ZFC3H1: variants seen among roughly 807,000 people sequenced by gnomAD.
ZFC3H1 encodes zinc finger C3H1-type containing.
In ZFC3H1, 71 loss-of-function variants were observed where a neutral mutation model predicts 243.7. That is an observed-to-expected ratio of 0.29 (90% CI 0.24 to 0.36). The LOEUF (loss-of-function observed/expected upper bound fraction) is 0.36, where lower values mean the gene tolerates loss of function less well. Ranked by LOEUF, ZFC3H1 falls within the 10% of genes least tolerant of loss-of-function variation. The probability of loss-of-function intolerance (pLI) is 1.00; values close to 1 mark genes in which losing one functional copy is unlikely to be tolerated. For missense variants in ZFC3H1, 1,966 were observed against 2,317.1 expected, an observed-to-expected ratio of 0.85 and a Z score of 3.11; for synonymous variants, 838 against 813.0, an observed-to-expected ratio of 1.03 and a Z score of -0.52.
chr12:71,636,882 A>G lies in ZFC3H1; in HGVS notation c.1903T>C (p.Ser635Pro). 1.9e-6 allele frequency: 3 copies of G among 1,613,902 alleles called. No homozygotes were observed. Among genetic ancestry groups the G allele is most frequent in the Non-Finnish European group, 2.5e-6 (3 of 1,179,940 alleles). Residue 635 changes from serine to proline, a missense_variant, in exon 8 of 35, where the codon TCT (serine) becomes CCT (proline). Ser to Pro is a moderately conservative substitution (Grantham distance 74). This residue lies in a region of ZFC3H1 where 1,383 missense variants were observed against 1,723.7 expected (regional missense o/e 0.80). Transcript: ENST00000378743. ...EMLLREELLKSLANKRAFKPE... is the reference protein window; with the variant it reads ...EMLLREELLKPLANKRAFKPE... ...TTAAAAGCTCTTTTATTTGCTAGAG[A>G]TTTAAGTAGTTCTTCTCGAAGCAGC...
At chr12:71,648,560 T>G (rs1318954942) in intron 2 of ZFC3H1, among the ~76,000 whole-genome samples, 1 of 152,178 alleles carries the variant, frequency 6.6e-6, no homozygotes, top group Non-Finnish European at 1.5e-5. Flanking sequence ...AACTAGATCT[T>G]AATTTTAAGT....
intron 20 of ZFC3H1, among the ~76,000 whole-genome samples, chr12:71,628,268 T>G (rs1482590745): frequency 6.6e-6 from 1 of 152,212 alleles, no homozygotes; most frequent in African/African-American, 2.4e-5. Context: ...GAATTCACAT[T>G]TGTTAAACTG....
In ZFC3H1 at chr12:71,663,203, C is replaced by G. The variant is rs1297965222; in HGVS notation, c.408G>C (p.Arg136=). The G allele has an allele frequency of 5.0e-6, 8 of 1,613,964 alleles. No homozygotes were observed. The South Asian group carries it at 7.7e-5, about 16-fold the overall frequency. The change falls in exon 1 of 35, where the codon CGG becomes CGC. Residue 136 remains arginine (R), a synonymous_variant. Transcript: ENST00000378743. ...GGAAACGGTCCAAGGCGAGGTGGCTCCGCTCCCAGAAAGACGGCCGGGGAC... is the reference window on the plus strand; with the variant it reads ...GGAAACGGTCCAAGGCGAGGTGGCTGCGCTCCCAGAAAGACGGCCGGGGAC... ...ESSPRPSFWE[R]SHLALDRFRF...
chr12:71,630,596 A>C lies in ZFC3H1; in HGVS notation c.3724+4T>G, dbSNP rs1489039469. 1 of 1,597,924 alleles carries C rather than the reference A, an allele frequency of 6.3e-7. No homozygotes were observed. The highest frequency in any genetic ancestry group is 8.5e-7 in the Non-Finnish European group (1 of 1,175,790). On this transcript the variant is annotated splice_donor_region_variant and intron_variant, in intron 18 of 34. Coordinates refer to ENST00000378743, the MANE Select transcript of ZFC3H1 (RefSeq NM_144982.5). ...TTGGGAGAGAATAGGAAGTCTTTAA[A>C]AACCTGCTGAAGCAGTAATTTCTTC...
intron 20 of ZFC3H1, 97 bp downstream of exon 20, chr12:71,628,821 C>A: frequency 1.5e-6 from 2 of 1,375,440 alleles, no homozygotes; most frequent in Non-Finnish European, 9.5e-7. Flanking sequence ...TTTTTTTAAC[C>A]AGGCAGGCTG....
rs1417339622 is a variant in ZFC3H1 at position 71,663,367 on chromosome 12, G to A, written c.244C>T (p.Gln82Ter). 2 of 1,612,886 alleles carry A rather than the reference G, an allele frequency of 1.2e-6. No individual in the cohort carries two copies. The change falls in exon 1 of 35, where the codon CAG (glutamine) becomes TAG (stop). Residue 82 changes from glutamine (Q) to a stop codon, truncating the protein, a stop_gained. Transcript: ENST00000378743. LOFTEE classifies it high-confidence loss of function. Reference protein sequence around the residue: ...SSSSSSSSQQQLRNFSRSRHA... With the variant: ...SSSSSSSSQQ ...CGCGAGCGTGAGAAATTCCTCAGCT[G>A]CTGCTGAGAAGAGGACGATGACGAG...
chr12:71,637,131 T>A, intron 7 of ZFC3H1, 72 bp from the exon 8 acceptor site: 1 of 1,260,626 alleles, frequency 7.9e-7, no homozygotes, highest in Non-Finnish European at 1.1e-6. Flanking sequence ...GCAGCAATAT[T>A]AAACTAGAAA....
intron 9 of ZFC3H1, among the ~76,000 whole-genome samples, chr12:71,635,790 T>C (rs1317098417): frequency 6.6e-6 from 1 of 152,200 alleles, no homozygotes; most frequent in Non-Finnish European, 1.5e-5. Context: ...ATTCTATAAT[T>C]ACTCTCATTA....
chr12:71,654,444 C>T (rs1222971953), intron 2 of ZFC3H1, among the ~76,000 whole-genome samples: 1 of 152,048 alleles, frequency 6.6e-6, no homozygotes, highest in Non-Finnish European at 1.5e-5. Context: ...TTATCTAAAA[C>T]ACACACACAC....
At chr12:71,624,387 A>C in intron 22 of ZFC3H1, 95 bp from the exon 23 acceptor site, 1 of 1,305,232 alleles carries the variant, frequency 7.7e-7, no homozygotes, top group Non-Finnish European at 1.0e-6. Context: ...ATCTCATAGT[A>C]AATCTTCAAC....
chr12:71,661,048 A>T (rs1386574342), intron 1 of ZFC3H1, among the ~76,000 whole-genome samples: 1 of 152,102 alleles, frequency 6.6e-6, no homozygotes, highest in Non-Finnish European at 1.5e-5. Context: ...TCATGCCTGT[A>T]ATCCCAGCAC....
Position 71,663,547 on chromosome 12 carries a change from G to A in ZFC3H1, c.64C>T (p.Leu22Phe). The change falls in exon 1 of 35, where the codon CTT becomes TTT. Residue 22 changes from leucine (L) to phenylalanine (F), a missense_variant. Physicochemically the swap from Leu to Phe is conservative, Grantham distance 22 (BLOSUM62 0). This residue lies in a region of ZFC3H1 where 484 missense variants were observed against 449.7 expected (regional missense o/e 1.08). Transcript: ENST00000378743. ...TCGTCACTGATTTCCCCATCTTCAA[G>A]CTCCCCTTCTTCCTTCGGCGAGAGG... Reference protein sequence around the residue: ...SGLSPKEEGELEDGEISDDDN... With the variant: ...SGLSPKEEGEFEDGEISDDDN... 1.2e-6 allele frequency: 2 copies of A among 1,613,412 alleles called. No homozygotes were observed. The highest frequency in any genetic ancestry group is 8.5e-7 in the Non-Finnish European group (1 of 1,180,038).
rs766819732 is a variant in ZFC3H1, at chr12:71,615,353, C to CGT, written c.5145-38_5145-37insAC. The CGT allele has an allele frequency of 2.3e-6, 3 of 1,306,276 alleles. No individual in the cohort carries two copies. In the South Asian group the frequency reaches 3.8e-5, roughly 16 times the overall value. The allele number at this position is 1,306,276 out of a possible 1,614,324, so 80.9% of individuals were successfully genotyped here. Reference sequence around the variant, plus strand: ...AATCCAAATATTGTTTTAAATTACACCTACCCACACAGGAATTACACACAT... The same window carrying CGT: ...AATCCAAATATTGTTTTAAATTACACGTCTACCCACACAGGAATTACACACAT... On this transcript the variant is annotated intron_variant, in intron 27 of 34. Coordinates refer to ENST00000378743, the MANE Select transcript of ZFC3H1 (RefSeq NM_144982.5).
Position 71,626,395 on chromosome 12 carries a change from C to T in ZFC3H1, c.4182G>A (p.Leu1394=). 6.2e-7 allele frequency: 1 copy of T among 1,613,902 alleles called. No individual in the cohort carries two copies. The highest frequency in any genetic ancestry group is 8.5e-7 in the Non-Finnish European group (1 of 1,179,958). ...DSALNVLARA[L]ENNKDNPEIW... is the part of the protein sequence containing the mutation. ...TTTCTGGATTGTCTTTGTTATTTTC[C>T]AATGCTCGCGCCAGAACATTTAAAG... Residue 1394 remains leucine (L), a synonymous_variant, in exon 22 of 35, where the codon TTG becomes TTA. Coordinates refer to ENST00000378743, the MANE Select transcript of ZFC3H1 (RefSeq NM_144982.5).
chr12:71,644,753 G>A, intron 4 of ZFC3H1, 124 bp downstream of exon 4: 2 of 1,104,598 alleles, frequency 1.8e-6, no homozygotes, highest in Non-Finnish European at 2.5e-6. Flanking sequence ...GGGAGGTGGA[G>A]GTTGCAGTAA....
In ZFC3H1 at chr12:71,632,088, G is replaced by C; in HGVS notation, c.3244C>G (p.Leu1082Val). The C allele has an allele frequency of 6.2e-7, 1 of 1,611,658 alleles. No homozygotes were observed. The change falls in exon 15 of 35, where the codon CTT becomes GTT. Residue 1082 changes from leucine (L) to valine (V), a missense_variant. Leu to Val is a conservative substitution (Grantham distance 32). Around this residue, in one of 4 missense-constraint regions of ZFC3H1, gnomAD observed 1,383 missense variants for 1,723.7 expected, o/e 0.80. Transcript: ENST00000378743. ...LNKNTVEKPE[L>V]FLGLKIGELQ... Reference sequence around the variant, plus strand: ...TCACCAATTTTTAACCCTAGAAAAAGTTCTGGTTTTTCTACAGTATTTTTA... The same window carrying C: ...TCACCAATTTTTAACCCTAGAAAAACTTCTGGTTTTTCTACAGTATTTTTA...
chr12:71,655,078 G>A (rs1276546263), intron 2 of ZFC3H1, among the ~76,000 whole-genome samples: 1 of 152,028 alleles, frequency 6.6e-6, no homozygotes, highest in Non-Finnish European at 1.5e-5. Flanking sequence ...AATAAAAAAA[G>A]TGAACAACAC....
chr12:71,657,273 T>C lies in ZFC3H1; in HGVS notation c.627A>G (p.Arg209=). ...SSKSFGRSPS[R]KQNYSSKNEN... ...CATTTTTTGATGAATAATTTTGTTT[T>C]CTTGATGGAGACCTTCCAAAACTTT... The change falls in exon 2 of 35, where the codon AGA becomes AGG. Residue 209 remains arginine (R), a synonymous_variant. Coordinates refer to ENST00000378743, the MANE Select transcript of ZFC3H1 (RefSeq NM_144982.5). 1.3e-6 allele frequency: 2 copies of C among 1,571,230 alleles called. No individual in the cohort carries two copies. Among genetic ancestry groups the C allele is most frequent in the South Asian group, 2.4e-5 (2 of 82,720 alleles).
chr12:71,661,183 G>C lies in ZFC3H1; in HGVS notation c.598+1830C>G, dbSNP rs551338997. Among the ~76,000 whole-genome samples the C allele has an allele frequency of 2.6e-5, 4 of 151,770 alleles. No individual in the cohort carries two copies. The South Asian group carries it at 8.3e-4, about 31-fold the overall frequency. On this transcript the variant is annotated intron_variant, in intron 1 of 34. Transcript: ENST00000378743. ...CCGGGCGTGGTGGCGGGCGCCTGTAGTCCCAGCTACTCGGGAGACTGAGGC... is the reference window on the plus strand; with the variant it reads ...CCGGGCGTGGTGGCGGGCGCCTGTACTCCCAGCTACTCGGGAGACTGAGGC...
Sources: allele counts gnomAD v4.1 joint callset (sites outside exome capture counted in the v4.1 genomes callset), GRCh38; gene constraint gnomAD v4.1.1; regional missense constraint gnomAD v4.1.1; transcripts MANE v1.5; gene names NCBI Gene and HGNC (gene_info 2026-07-23, HGNC 2026-07-21).